The following CADM2 variants were observed in gnomAD, a reference collection of about 807,000 sequenced individuals.
CADM2 encodes the protein immunoglobulin superfamily member 4D.
CADM2 carries 12 observed loss-of-function variants against 49.8 expected under a neutral mutation model. That is an observed-to-expected ratio of 0.24 (90% CI 0.15 to 0.39). The LOEUF (loss-of-function observed/expected upper bound fraction) is 0.39, where lower values mean the gene tolerates loss of function less well. Among genes scored for constraint, CADM2 ranks in the 10% least tolerant of loss-of-function variants. The pLI, the probability that CADM2 is intolerant of heterozygous loss-of-function variation, is 1.00. For synonymous variants in CADM2, 214 were observed against 175.4 expected (o/e 1.22, Z -1.74); for missense variants, 378 against 492.3 (o/e 0.77, Z 2.20).
chr3:85,568,406 T>C (rs2062339673), intron 1 of CADM2, among the ~76,000 whole-genome samples: 1 of 26,324 alleles, frequency 3.8e-5, no homozygotes, highest in African/African-American at 1.1e-4. Context: ...CCTCTTTCTT[T>C]CTTTCTTTCT....
intron 1 of CADM2, among the ~76,000 whole-genome samples, chr3:85,568,409 TTCTTTC>T (rs1199141527): frequency 3.1e-5 from 1 of 32,356 alleles, no homozygotes; most frequent in African/African-American, 9.8e-5. Flanking sequence ...CTTTCTTTCT[TTCTTTC>T]TTTCTTTCTT....
intron 1 of CADM2, among the ~76,000 whole-genome samples, chr3:85,487,677 T>C (rs1388890409): frequency 2.0e-5 from 3 of 151,432 alleles, no homozygotes; most frequent in African/African-American, 7.3e-5. Context: ...AAAACAGCAA[T>C]TGCAAGAATG....
chr3:85,750,954 AATATAGG>A lies in CADM2; in HGVS notation c.88+24407_88+24413del, dbSNP rs555587991. ...GAAGCCTCATTACAAAATTACATAT[AATATAGG>A]CATTAGATTTAGAATTTAAATAAGA... On this transcript the variant is annotated intron_variant, in intron 2 of 9. Coordinates refer to ENST00000383699, the MANE Select transcript of CADM2 (RefSeq NM_001167675.2). Among the ~76,000 whole-genome samples the A allele has an allele frequency of 1.1e-3, 173 of 152,234 alleles. 1 individual carries two copies. Among genetic ancestry groups the A allele is most frequent in the African/African-American group, 3.9e-3 (162 of 41,562 alleles).
chr3:85,974,210 A>G (rs945320262), intron 8 of CADM2, among the ~76,000 whole-genome samples: 2 of 151,602 alleles, frequency 1.3e-5, no homozygotes, highest in African/African-American at 4.8e-5. Flanking sequence ...TGCTTTCCAT[A>G]TGAGATCCTA....
chr3:85,739,191 T>C (rs1028532426), intron 2 of CADM2, among the ~76,000 whole-genome samples: 1 of 152,108 alleles, frequency 6.6e-6, no homozygotes, highest in African/African-American at 2.4e-5. Flanking sequence ...CTTTCACTTA[T>C]ACTGATTTCC....
intron 1 of CADM2, among the ~76,000 whole-genome samples, chr3:85,402,839 T>C (rs2035182277): frequency 6.6e-6 from 1 of 152,156 alleles, no homozygotes; most frequent in Non-Finnish European, 1.5e-5. Flanking sequence ...GACAAGAACT[T>C]TGGGGAAAAA....
chr3:85,874,213 A>T (rs899065579), intron 3 of CADM2, among the ~76,000 whole-genome samples: 2 of 152,216 alleles, frequency 1.3e-5, no homozygotes, highest in African/African-American at 2.4e-5. Flanking sequence ...ATTTAATCCA[A>T]ATTTCAGGCT....
At chr3:85,384,946 A>G (rs1301499747) in intron 1 of CADM2, among the ~76,000 whole-genome samples, 1 of 151,722 alleles carries the variant, frequency 6.6e-6, no homozygotes, top group East Asian at 1.9e-4. Flanking sequence ...TTATTTATTT[A>G]TTTTCTTGAG....
At chr3:85,722,318 C>A (rs2067533832) in intron 1 of CADM2, among the ~76,000 whole-genome samples, 1 of 152,132 alleles carries the variant, frequency 6.6e-6, no homozygotes, top group African/African-American at 2.4e-5. Flanking sequence ...ACATGGACTG[C>A]CACTGCCATC....
intron 1 of CADM2, among the ~76,000 whole-genome samples, chr3:85,388,065 G>A (rs1201991952): frequency 6.6e-6 from 1 of 152,194 alleles, no homozygotes; most frequent in African/African-American, 2.4e-5. Flanking sequence ...TGGCTCTCCA[G>A]GGAACCAGGC....
At chr3:85,088,006 A>G (rs1330859842) in intron 1 of CADM2, among the ~76,000 whole-genome samples, 1 of 152,172 alleles carries the variant, frequency 6.6e-6, no homozygotes, top group East Asian at 1.9e-4. Context: ...CATGGTGTTC[A>G]GTAAATATTT....
intron 2 of CADM2, among the ~76,000 whole-genome samples, chr3:85,746,313 T>C (rs1256223524): frequency 1.3e-5 from 2 of 152,192 alleles, no homozygotes; most frequent in African/African-American, 4.8e-5. Context: ...TTAGCACTGT[T>C]ATCTTATTAC....
chr3:85,406,595 T>A (rs2035389917), intron 1 of CADM2, among the ~76,000 whole-genome samples: 1 of 152,152 alleles, frequency 6.6e-6, no homozygotes, highest in South Asian at 2.1e-4. Context: ...GTTCTCTCTA[T>A]GTCTAAGATT....
chr3:85,197,599 C>A (rs2041375297), intron 1 of CADM2, among the ~76,000 whole-genome samples: 1 of 151,914 alleles, frequency 6.6e-6, no homozygotes, highest in Non-Finnish European at 1.5e-5. Context: ...TTTAACTCTA[C>A]TGTGCTAGTT....
rs568983001 is a variant in CADM2 at position 85,118,852 on chromosome 3, C to T, written c.61+159184C>T. On this transcript the variant is annotated intron_variant, in intron 1 of 9. Coordinates refer to ENST00000383699, the MANE Select transcript of CADM2 (RefSeq NM_001167675.2). ...GCAACCTCTGCCTCCTGGGTTCAAGCGATTCTCCTGCCTCAGCCTCCTGAG... is the reference window on the plus strand; with the variant it reads ...GCAACCTCTGCCTCCTGGGTTCAAGTGATTCTCCTGCCTCAGCCTCCTGAG... Among the ~76,000 whole-genome samples the T allele has an allele frequency of 3.1e-4, 47 of 152,246 alleles. 1 individual carries two copies. In the East Asian group the frequency reaches 7.0e-3, roughly 23 times the overall value.
intron 6 of CADM2, among the ~76,000 whole-genome samples, chr3:85,924,474 C>T (rs1348350227): frequency 1.3e-5 from 2 of 151,908 alleles, no homozygotes; most frequent in Non-Finnish European, 2.9e-5. Flanking sequence ...GTTCCTGTAG[C>T]CCAGCTACAT....
At chr3:85,908,849 T>C (rs7632162) in intron 5 of CADM2, among the ~76,000 whole-genome samples, 105,638 of 151,422 alleles carry the variant, frequency 0.7, 38,344 homozygotes, top group African/African-American at 0.91. Context: ...CTCAGCCTCC[T>C]GAGTAGCTGG....
chr3:86,018,292 G>A (rs1369453407), intron 8 of CADM2, among the ~76,000 whole-genome samples: 2 of 133,330 alleles, frequency 1.5e-5, no homozygotes, highest in Admixed American at 1.6e-4. Flanking sequence ...GGACATTTGG[G>A]TTGGTTCCAA....
chr3:85,168,397 A>C (rs553442707), intron 1 of CADM2, among the ~76,000 whole-genome samples: 1 of 152,310 alleles, frequency 6.6e-6, no homozygotes, highest in Admixed American at 6.5e-5. Flanking sequence ...TGAAAACATA[A>C]TGTACATAAT....
Sources: gnomAD v4.1 joint callset for allele counts (sites outside exome capture counted in the v4.1 genomes callset) on GRCh38, gnomAD v4.1.1 for gene constraint, MANE v1.5 for transcripts, NCBI Gene and HGNC (gene_info 2026-07-23, HGNC 2026-07-21) for gene names.